DDX46: variants seen among roughly 807,000 people sequenced by gnomAD.
DDX46 encodes probable ATP-dependent RNA helicase DDX46.
A neutral mutation model predicts 134.9 loss-of-function variants in DDX46; 30 were observed. The observed-to-expected ratio is 0.22, with a 90% CI of 0.17 to 0.30. The LOEUF (loss-of-function observed/expected upper bound fraction) is 0.30, where lower values mean the gene tolerates loss of function less well. Among genes scored for constraint, DDX46 ranks in the 10% least tolerant of loss-of-function variants. The probability of loss-of-function intolerance (pLI) is 1.00; values close to 1 mark genes in which losing one functional copy is unlikely to be tolerated. For synonymous variants in DDX46, 415 were observed against 404.1 expected (o/e 1.03, Z -0.32); for missense variants, 622 against 1,248.7 (o/e 0.50, Z 7.56).
At chr5:134,776,911 C>A in intron 5 of DDX46, among the ~76,000 whole-genome samples, 2 of 114,110 alleles carry the variant, frequency 1.8e-5, no homozygotes, top group African/African-American at 3.3e-5. Context: ...GAGACTCTGT[C>A]TCAAAAAAAA....
chr5:134,797,194 AAAACAC>A (rs1166950470), intron 15 of DDX46: 2 of 288,850 alleles, frequency 6.9e-6, no homozygotes, highest in African/African-American at 4.7e-5. Flanking sequence ...AAAAAAAAAA[AAAACAC>A]AAAACACATG....
rs1755659058 is a variant in DDX46 at position 134,828,809 on chromosome 5, T to A, written c.*103T>A. ...GTAAATGAAGATTTTTTAAATTCTA[T>A]CTTGCTGATTTTTTTTAAATATAAG... On this transcript the variant is annotated 3_prime_UTR_variant, in exon 23 of 23. Transcript: ENST00000452510. The A allele has an allele frequency of 3.4e-5, 30 of 873,136 alleles. No homozygotes were observed. Among genetic ancestry groups the A allele is most frequent in the Non-Finnish European group, 4.8e-5 (30 of 631,412 alleles). The allele number at this position is 873,136 out of a possible 1,614,324, so 54.1% of individuals were successfully genotyped here.
At chr5:134,770,864 T>A in intron 3 of DDX46, 39 bp from the exon 4 acceptor site, 2 of 1,522,074 alleles carry the variant, frequency 1.3e-6, no homozygotes, top group Non-Finnish European at 1.8e-6. Flanking sequence ...TAAGTACAAA[T>A]GAATGACATT....
At position 134,766,907 on chromosome 5, in the gene DDX46, C is replaced by T. The variant is rs777030622; in HGVS notation, c.207-10C>T. On this transcript the variant is annotated splice_polypyrimidine_tract_variant and intron_variant, in intron 2 of 22. Coordinates refer to ENST00000452510, the MANE Select transcript of DDX46 (RefSeq NM_001300860.2). ...GGTCATAGAATAAATGAAAAGTGTC[C>T]CCCTTTCAGACGTTCCAGAAGTAGA... The T allele has an allele frequency of 1.2e-5, 20 of 1,605,000 alleles. No individual in the cohort carries two copies. The East Asian group carries it at 4.2e-4, about 34-fold the overall frequency.
At chr5:134,770,437 C>T (rs1334841222) in intron 3 of DDX46, among the ~76,000 whole-genome samples, 1 of 152,030 alleles carries the variant, frequency 6.6e-6, no homozygotes, top group Non-Finnish European at 1.5e-5. Context: ...ATCTCTTTAA[C>T]TCCTGTTTTC....
chr5:134,805,982 G>A (rs1754976047), intron 15 of DDX46, among the ~76,000 whole-genome samples: 1 of 152,066 alleles, frequency 6.6e-6, no homozygotes, highest in African/African-American at 2.4e-5. Flanking sequence ...ACTTTGGGAG[G>A]TGGGCGGATC....
At chr5:134,807,395 A>G (rs1207390816) in intron 15 of DDX46, among the ~76,000 whole-genome samples, 1 of 152,132 alleles carries the variant, frequency 6.6e-6, no homozygotes. Context: ...CAAGGCTCTA[A>G]ATAACCTACA....
Position 134,790,279 on chromosome 5 carries a change from G to A in DDX46, c.1544-191G>A, listed in dbSNP as rs1020851469. 6.3e-6 allele frequency: 4 copies of A among 632,554 alleles called. No homozygotes were observed. In the Admixed American group the frequency reaches 1.1e-4, roughly 17 times the overall value. The allele number at this position is 632,554 out of a possible 1,614,324, so 39.2% of individuals were successfully genotyped here. On this transcript the variant is annotated intron_variant, in intron 12 of 22. Transcript: ENST00000452510. ...GGCCTCATATACCCATTGTCAGAAA[G>A]TATTTGCCACTAGATTAAGACATTG...
chr5:134,767,132 T>A, intron 3 of DDX46, 72 bp downstream of exon 3: 1 of 1,497,602 alleles, frequency 6.7e-7, no homozygotes, highest in Non-Finnish European at 8.9e-7. Context: ...CTTTTTTTTT[T>A]TTCCCTGTAA....
chr5:134,790,682 G>A, intron 13 of DDX46, 130 bp downstream of exon 13: 2 of 735,456 alleles, frequency 2.7e-6, no homozygotes, highest in South Asian at 1.9e-5. Flanking sequence ...ACAGAAGACT[G>A]GGGACATACA....
intron 13 of DDX46, among the ~76,000 whole-genome samples, chr5:134,794,248 T>TC (rs753574564): frequency 9.2e-5 from 14 of 152,192 alleles, no homozygotes; most frequent in Admixed American, 3.9e-4. Context: ...TGCCTGCTGT[T>TC]GGGCTGTATG....
chr5:134,811,466 CTA>C (rs576595006), intron 17 of DDX46, 108 bp downstream of exon 17: 826 of 1,412,490 alleles, frequency 5.8e-4, no homozygotes, highest in Middle Eastern at 9.5e-4. Flanking sequence ...TTTGCTACGA[CTA>C]TTTTTATTTC....
chr5:134,775,635 A>G (rs936474718), intron 5 of DDX46, among the ~76,000 whole-genome samples: 9 of 151,938 alleles, frequency 5.9e-5, no homozygotes, highest in South Asian at 2.1e-4. Flanking sequence ...TTGGTGTCAA[A>G]CTCCTAACCT....
chr5:134,811,958 T>G lies in DDX46; in HGVS notation c.2436+113T>G. On this transcript the variant is annotated intron_variant, in intron 18 of 22. Transcript: ENST00000452510. ...AATCACTGGAAACCTTTACAAGAGGTTGGTTCCAGAACAGTTTTGGAAAAT... is the reference window on the plus strand; with the variant it reads ...AATCACTGGAAACCTTTACAAGAGGGTGGTTCCAGAACAGTTTTGGAAAAT... 3 of 1,371,322 alleles carry G rather than the reference T, an allele frequency of 2.2e-6. No individual in the cohort carries two copies. The South Asian group carries it at 4.8e-5, about 22-fold the overall frequency. The allele number at this position is 1,371,322 out of a possible 1,614,324, so 84.9% of individuals were successfully genotyped here. A position where few individuals can be genotyped will look rare whatever the true frequency, so the allele number is the denominator to read the frequency against.
At chr5:134,773,063 G>A (rs1325702494) in intron 4 of DDX46, among the ~76,000 whole-genome samples, 2 of 151,790 alleles carry the variant, frequency 1.3e-5, no homozygotes, top group Non-Finnish European at 2.9e-5. Context: ...GCTTCCCACA[G>A]TGCTGGGATT....
chr5:134,810,515 G>A (rs1755112656), intron 16 of DDX46, among the ~76,000 whole-genome samples: 1 of 151,038 alleles, frequency 6.6e-6, no homozygotes, highest in South Asian at 2.1e-4. Context: ...TAATTTTTTT[G>A]TGTTTTTAGT....
chr5:134,767,182 C>A, intron 3 of DDX46, 122 bp downstream of exon 3: 1 of 1,231,250 alleles, frequency 8.1e-7, no homozygotes, highest in Non-Finnish European at 1.1e-6. Flanking sequence ...TGGCTCCTAC[C>A]ATGAACTGTT....
chr5:134,792,809 G>GTGTA (rs1432667137), intron 13 of DDX46, among the ~76,000 whole-genome samples: 2 of 152,192 alleles, frequency 1.3e-5, no homozygotes, highest in Non-Finnish European at 2.9e-5. Context: ...GTATGTACAT[G>GTGTA]TGTATAAGTA....
chr5:134,782,815 T>G (rs141941328), intron 8 of DDX46, 130 bp from the exon 9 acceptor site: 13 of 1,172,210 alleles, frequency 1.1e-5, no homozygotes, highest in Non-Finnish European at 1.5e-5. Flanking sequence ...TGCTAGTTGC[T>G]AGGATTACAG....
Sources: allele counts gnomAD v4.1 joint callset (sites outside exome capture counted in the v4.1 genomes callset), GRCh38; gene constraint gnomAD v4.1.1; transcripts MANE v1.5; gene names NCBI Gene and HGNC (gene_info 2026-07-23, HGNC 2026-07-21).